The following ITGA11 variants were observed in gnomAD, a reference collection of about 807,000 sequenced individuals.
The protein encoded by ITGA11 is integrin subunit alpha 11.
In ITGA11, 97 loss-of-function variants were observed where a neutral mutation model predicts 141.9. That is an observed-to-expected ratio of 0.68 (90% CI 0.58 to 0.81). ITGA11 has a LOEUF of 0.81. Ranked by LOEUF, ITGA11 falls within the 30% of genes least tolerant of loss-of-function variation. The pLI, the probability that ITGA11 is intolerant of heterozygous loss-of-function variation, is 0.00. For missense variants in ITGA11, 1,387 were observed against 1,559.2 expected, an observed-to-expected ratio of 0.89 and a Z score of 1.86; for synonymous variants, 658 against 624.6, an observed-to-expected ratio of 1.05 and a Z score of -0.80.
At chr15:68,403,968 AC>A (rs1431650311) in intron 1 of ITGA11, among the ~76,000 whole-genome samples, 2 of 152,090 alleles carry the variant, frequency 1.3e-5, no homozygotes, top group African/African-American at 4.8e-5. Flanking sequence ...TCTCAAAGAG[AC>A]CCAGTCTGAA....
At chr15:68,331,301 T>G (rs1413784104) in intron 14 of ITGA11, among the ~76,000 whole-genome samples, 190 bp from the exon 15 acceptor site, 1 of 152,166 alleles carries the variant, frequency 6.6e-6, no homozygotes, top group Non-Finnish European at 1.5e-5. Context: ...CAAGTCATTC[T>G]TTTGGATTAA....
chr15:68,348,231 T>C (rs1480307258), intron 10 of ITGA11, among the ~76,000 whole-genome samples: 1 of 152,120 alleles, frequency 6.6e-6, no homozygotes, highest in Non-Finnish European at 1.5e-5. Flanking sequence ...CCTCCCTCTG[T>C]GGGCCAGCCC....
At position 68,357,136 on chromosome 15, in the gene ITGA11, C is replaced by T. The variant is rs764692014; in HGVS notation, c.749+15G>A. 1.2e-6 allele frequency: 2 copies of T among 1,601,718 alleles called. No homozygotes were observed. Among genetic ancestry groups the T allele is most frequent in the Admixed American group, 1.8e-5 (1 of 56,440 alleles). On this transcript the variant is annotated intron_variant, in intron 7 of 29. Coordinates refer to ENST00000315757, the MANE Select transcript of ITGA11 (RefSeq NM_001004439.2). ...GAGATCTAAAAAAATTTTTTTTGTTCTACTTTTTTTTTACCGTGCAAATTC... is the reference window on the plus strand; with the variant it reads ...GAGATCTAAAAAAATTTTTTTTGTTTTACTTTTTTTTTACCGTGCAAATTC...
intron 1 of ITGA11, among the ~76,000 whole-genome samples, chr15:68,411,793 A>AT (rs1322774219): frequency 6.6e-6 from 1 of 152,212 alleles, no homozygotes; most frequent in African/African-American, 2.4e-5. Flanking sequence ...AGCAGAAATA[A>AT]TGTGTGCCCA....
At position 68,297,504 on chromosome 15, in the gene ITGA11, AGTTTT is replaced by A. The variant is rs201360195; in HGVS notation, c.*5550_*5554del. On this transcript the variant is annotated 3_prime_UTR_variant, in exon 30 of 30. Coordinates refer to ENST00000315757, the MANE Select transcript of ITGA11 (RefSeq NM_001004439.2). The stretch of plus-strand genomic sequence containing the variant: ...AGGTAAATCATACACCTGTATCCAG[AGTTTT>A]GTTTTGTTTTTTTTTTTAGGTTTTT... The A allele has an allele frequency of 6.4e-4, 80 of 125,536 alleles. 1 individual carries two copies. The highest frequency in any genetic ancestry group is 2.5e-3 in the African/African-American group (77 of 30,200). The allele number at this position is 125,536 out of a possible 1,614,324, so 7.8% of individuals were successfully genotyped here.
chr15:68,394,079 T>C (rs1896177711), intron 2 of ITGA11, among the ~76,000 whole-genome samples: 1 of 152,204 alleles, frequency 6.6e-6, no homozygotes, highest in Non-Finnish European at 1.5e-5. Context: ...AAGACTACTA[T>C]GAACATCTAT....
intron 4 of ITGA11, among the ~76,000 whole-genome samples, chr15:68,363,124 C>T (rs1047391190): frequency 2.0e-5 from 3 of 151,698 alleles, no homozygotes; most frequent in African/African-American, 4.8e-5. Flanking sequence ...GATGGTGGAT[C>T]GATGTATAGA....
chr15:68,383,030 T>G (rs1895900181), intron 2 of ITGA11, among the ~76,000 whole-genome samples: 2 of 152,050 alleles, frequency 1.3e-5, no homozygotes, highest in African/African-American at 4.8e-5. Flanking sequence ...TCAGCACTTT[T>G]GGAGGCCGAG....
chr15:68,314,166 C>T (rs1385007568), intron 22 of ITGA11, among the ~76,000 whole-genome samples: 1 of 152,206 alleles, frequency 6.6e-6, no homozygotes, highest in Admixed American at 6.5e-5. Flanking sequence ...TTGCCTCCCT[C>T]ACCCAGATGC....
At chr15:68,345,604 T>C (rs1006885263) in intron 10 of ITGA11, among the ~76,000 whole-genome samples, 7 of 152,238 alleles carry the variant, frequency 4.6e-5, no homozygotes, top group Non-Finnish European at 1.0e-4. Context: ...GATCTCTCCT[T>C]CTACCAGAAC....
intron 1 of ITGA11, among the ~76,000 whole-genome samples, chr15:68,420,465 C>T (rs1396782045): frequency 3.3e-5 from 5 of 152,194 alleles, no homozygotes; most frequent in Non-Finnish European, 7.3e-5. Context: ...CAACCTTCCT[C>T]GCTCTGCCCA....
intron 11 of ITGA11, 193 bp from the exon 12 acceptor site, chr15:68,336,038 G>C (rs966700649): frequency 1.5e-6 from 1 of 658,620 alleles, no homozygotes; most frequent in African/African-American, 1.8e-5. Context: ...GCAGGACCCA[G>C]GAAGGGGGTT....
At chr15:68,374,184 A>G (rs1489962184) in intron 2 of ITGA11, among the ~76,000 whole-genome samples, 1 of 152,214 alleles carries the variant, frequency 6.6e-6, no homozygotes, top group Admixed American at 6.5e-5. Flanking sequence ...TTACTGAGTA[A>G]GTGGTGGGTG....
chr15:68,430,333 A>G (rs924695194), intron 1 of ITGA11, among the ~76,000 whole-genome samples: 1 of 152,230 alleles, frequency 6.6e-6, no homozygotes, highest in African/African-American at 2.4e-5. Flanking sequence ...GCCTTAGTGC[A>G]TCCTGACAAC....
chr15:68,342,471 G>A (rs985677880), intron 10 of ITGA11, among the ~76,000 whole-genome samples: 10 of 152,236 alleles, frequency 6.6e-5, no homozygotes. Context: ...CTTCCCAAAG[G>A]ACGTTGTAGC....
At position 68,303,191 on chromosome 15, in the gene ITGA11, C is replaced by G; in HGVS notation, c.3496-61G>C. On this transcript the variant is annotated intron_variant, in intron 29 of 29. Coordinates refer to ENST00000315757, the MANE Select transcript of ITGA11 (RefSeq NM_001004439.2). The surrounding 1 kb of genome is among the most constrained non-coding windows in gnomAD (Gnocchi z 5.3). ...ACAGGGTGGGCAAGGCCTGCCCCAGCTTTCCCTCCACTACCTTTCCTTGGG... is the reference window on the plus strand; with the variant it reads ...ACAGGGTGGGCAAGGCCTGCCCCAGGTTTCCCTCCACTACCTTTCCTTGGG... 2 of 1,416,450 alleles carry G rather than the reference C, an allele frequency of 1.4e-6. No individual in the cohort carries two copies. Among genetic ancestry groups the G allele is most frequent in the Non-Finnish European group, 9.7e-7 (1 of 1,031,596 alleles). 87.7% of individuals were successfully genotyped at this position (1,416,450 alleles called of 1,614,324 possible).
chr15:68,329,799 A>C lies in ITGA11; in HGVS notation c.1901+1182T>G, dbSNP rs142883993. Among the ~76,000 whole-genome samples the C allele has an allele frequency of 3.6e-3, 550 of 152,290 alleles. 4 individuals carry two copies. The highest frequency in any genetic ancestry group is 0.013 in the African/African-American group (536 of 41,550). On this transcript the variant is annotated intron_variant, in intron 15 of 29. Transcript: ENST00000315757. ...GGACCTAAGAGCCCCCACATGCAGC[A>C]CAGACCTTCGAAGAGACAGACCCTG...
At chr15:68,361,450 C>T (rs1326311615) in intron 5 of ITGA11, 140 bp downstream of exon 5, 11 of 621,246 alleles carry the variant, frequency 1.8e-5, no homozygotes, top group Non-Finnish European at 2.9e-6. Context: ...GTGATACATT[C>T]CAGGTCATCC....
chr15:68,344,166 T>C (rs1371538772), intron 10 of ITGA11, among the ~76,000 whole-genome samples: 1 of 152,054 alleles, frequency 6.6e-6, no homozygotes, highest in East Asian at 1.9e-4. Flanking sequence ...TCGCAAACCC[T>C]TGGGACCAGC....
Sources: allele counts gnomAD v4.1 joint callset (sites outside exome capture counted in the v4.1 genomes callset), GRCh38; gene constraint gnomAD v4.1.1; non-coding constraint Gnocchi (gnomAD v3.1); transcripts MANE v1.5; gene names NCBI Gene and HGNC (gene_info 2026-07-23, HGNC 2026-07-21).